The following GP6 variants were observed in gnomAD, a reference collection of about 807,000 sequenced individuals.
GP6 encodes the protein platelet glycoprotein VI.
In GP6, 45 loss-of-function variants were observed where a neutral mutation model predicts 37.3. That is an observed-to-expected ratio of 1.21 (90% CI 0.95 to 1.55). GP6 has a LOEUF of 1.55. Among genes scored for constraint, GP6 ranks in the 40% most tolerant of loss-of-function variants. GP6 has a pLI of 0.00. For synonymous variants in GP6, 340 were observed against 316.4 expected, an observed-to-expected ratio of 1.07 and a Z score of -0.79; for missense variants, 813 against 760.2, an observed-to-expected ratio of 1.07 and a Z score of -0.82.
rs573023381 is a variant in GP6, at chr19:55,027,461, C to T, written c.610+117G>A. ...TTCCTTCCCACCTACGGCCCCGCCC[C>T]TGCAGCCCAGGGCTTCCTGCCCTCC... On this transcript the variant is annotated intron_variant, in intron 4 of 7. Transcript: ENST00000310373. The T allele has an allele frequency of 1.4e-3, 1,019 of 750,128 alleles. 1 individual carries two copies. In the African/African-American group the frequency reaches 0.014, roughly 10 times the overall value. The allele number at this position is 750,128 out of a possible 1,614,324, so 46.5% of individuals were successfully genotyped here. A position where few individuals can be genotyped will look rare whatever the true frequency, so the allele number is the denominator to read the frequency against.
intron 5 of GP6, among the ~76,000 whole-genome samples, chr19:55,024,877 T>TGTTGGTTG (rs10526819): frequency 2.7e-5 from 4 of 150,586 alleles, no homozygotes; most frequent in Non-Finnish European, 5.9e-5. Context: ...TCTACAGGTT[T>TGTTGGTTG]GTTGGTTGGT....
intron 5 of GP6, among the ~76,000 whole-genome samples, chr19:55,024,300 G>GCACA (rs369345826): frequency 0.41 from 48,756 of 119,622 alleles, 9,893 homozygotes; most frequent in East Asian, 0.63. Context: ...ATGCACGCAT[G>GCACA]CACACACATA....
At chr19:55,033,942 T>C (rs927849811) in intron 1 of GP6, among the ~76,000 whole-genome samples, 3 of 152,042 alleles carry the variant, frequency 2.0e-5, no homozygotes, top group African/African-American at 2.4e-5. Flanking sequence ...TCGTTTCAAA[T>C]AGCCTGAAGG....
At chr19:55,030,699 C>T (rs1321722161) in intron 3 of GP6, among the ~76,000 whole-genome samples, 2 of 151,976 alleles carry the variant, frequency 1.3e-5, no homozygotes, top group Non-Finnish European at 2.9e-5. Flanking sequence ...AATATTTGCA[C>T]CAATCAAGAG....
chr19:55,029,341 TATATATATATATATATATATATATATA>T (rs2074446340), intron 3 of GP6, among the ~76,000 whole-genome samples: 1 of 4,102 alleles, frequency 2.4e-4, no homozygotes, highest in Non-Finnish European at 4.5e-4. Flanking sequence ...TATATATATA[TATATATATATATATATATATATATATA>T]TATATATTTT....
rs115248509 is a variant in GP6, at chr19:55,034,101, C to T, written c.35-1563G>A. On this transcript the variant is annotated intron_variant, in intron 1 of 7. Coordinates refer to ENST00000310373, the MANE Select transcript of GP6 (RefSeq NM_001083899.2). ...ACATACATGTGTATGTACATATACA[C>T]GTGTGTACATACACACGTGTATATG... is the stretch of plus-strand genomic sequence containing the variant. Among the ~76,000 whole-genome samples the T allele has an allele frequency of 6.5e-3, 982 of 150,220 alleles. 9 individuals are homozygous for T. Among genetic ancestry groups the T allele is most frequent in the African/African-American group, 0.022 (891 of 40,844 alleles).
chr19:55,031,798 C>A (rs2074567275), intron 3 of GP6, among the ~76,000 whole-genome samples: 1 of 151,956 alleles, frequency 6.6e-6, no homozygotes, highest in African/African-American at 2.4e-5. Context: ...TGTCAAGAGA[C>A]CCCATCTCTA....
At chr19:55,028,096 G>C (rs1395808722) in intron 3 of GP6, among the ~76,000 whole-genome samples, 2 of 152,232 alleles carry the variant, frequency 1.3e-5, no homozygotes, top group Non-Finnish European at 2.9e-5. Context: ...TCAGGGGCCT[G>C]GTGGCCCTGG....
intron 1 of GP6, among the ~76,000 whole-genome samples, chr19:55,035,345 T>G (rs896017514): frequency 6.6e-6 from 1 of 152,132 alleles, no homozygotes; most frequent in Non-Finnish European, 1.5e-5. Context: ...GGAGTATGTC[T>G]TGGAGATCTA....
In GP6 at chr19:55,033,039, GACTC is replaced by G. The variant is rs1313355825; in HGVS notation, c.35-505_35-502del. ...GGACTCGTTCGTGTTAGACACGGTG[GACTC>G]GTTCGTGTTGTGTTAGACACGGTGG... On this transcript the variant is annotated intron_variant, in intron 1 of 7. Coordinates refer to ENST00000310373, the MANE Select transcript of GP6 (RefSeq NM_001083899.2). 6.1e-5 allele frequency among the ~76,000 whole-genome samples: 4 copies of G among 65,822 alleles called. 2 individuals carry two copies. Among genetic ancestry groups the G allele is most frequent in the Admixed American group, 3.2e-4 (2 of 6,324 alleles). 43.2% of individuals were successfully genotyped at this position (65,822 alleles called of 152,430 possible).
chr19:55,029,368 ATATATATTTTTTTTTTTTTTTTTTTTTT>A (rs2074469453), intron 3 of GP6, among the ~76,000 whole-genome samples: 1 of 2,526 alleles, frequency 4.0e-4, no homozygotes, highest in African/African-American at 1.6e-3. Flanking sequence ...ATATATATAT[ATATATATTTTTTTTTTTTTTTTTTTTTT>A]TTTTTTTTTT....
chr19:55,032,083 T>C, intron 3 of GP6, 56 bp downstream of exon 3: 1 of 1,578,274 alleles, frequency 6.3e-7, no homozygotes, highest in Non-Finnish European at 8.7e-7. Context: ...GTCCCCCGTA[T>C]TTGTGTCCTG....
At chr19:55,037,311 C>T (rs928486579) in intron 1 of GP6, among the ~76,000 whole-genome samples, 1 of 151,178 alleles carries the variant, frequency 6.6e-6, no homozygotes, top group Non-Finnish European at 1.5e-5. Context: ...TAAATCCATA[C>T]CTAGTCCAGA....
chr19:55,032,449 C>A (rs374068596), intron 2 of GP6, 53 bp from the exon 3 acceptor site: 5 of 1,612,652 alleles, frequency 3.1e-6, no homozygotes, highest in Non-Finnish European at 4.2e-6. Context: ...GCCTGGACCC[C>A]GCTGCTCCCG....
At chr19:55,021,681 C>T (rs944826296) in intron 5 of GP6, among the ~76,000 whole-genome samples, 7 of 151,916 alleles carry the variant, frequency 4.6e-5, no homozygotes, top group Admixed American at 6.6e-5. Flanking sequence ...CCACCACGCC[C>T]GGCTAATTTT....
intron 5 of GP6, among the ~76,000 whole-genome samples, chr19:55,024,170 G>A (rs1165412031): frequency 6.6e-6 from 1 of 152,186 alleles, no homozygotes; most frequent in East Asian, 1.9e-4. Context: ...AAGAGCACAT[G>A]GGATTCTTCT....
intron 1 of GP6, among the ~76,000 whole-genome samples, chr19:55,034,239 G>C (rs1378772359): frequency 6.6e-6 from 1 of 151,854 alleles, no homozygotes; most frequent in African/African-American, 2.4e-5. Flanking sequence ...TTGAGCCCAG[G>C]AGGTCAAGTC....
intron 3 of GP6, among the ~76,000 whole-genome samples, chr19:55,030,924 C>G (rs2074538979): frequency 6.6e-6 from 1 of 152,134 alleles, no homozygotes. Context: ...TCACAGCTCC[C>G]TGCAGCCTCG....
At position 55,027,832 on chromosome 19, in the gene GP6, T is replaced by C; in HGVS notation, c.356A>G (p.Gln119Arg). ...TCCTGACGACACCGCCGGGCCGGGC[T>C]GGGCTGAGAGCGAGGGTTTGGCAAA... The change falls in exon 4 of 8, where the codon CAG (glutamine) becomes CGG (arginine). Residue 119 changes from glutamine (Q) to arginine (R), a missense_variant. By Grantham distance (43) the Gln-to-Arg change is conservative (BLOSUM62 1). Transcript: ENST00000310373. The C allele has an allele frequency of 6.2e-7, 1 of 1,614,086 alleles. No homozygotes were observed. Among genetic ancestry groups the C allele is most frequent in the Non-Finnish European group, 8.5e-7 (1 of 1,180,020 alleles).
Sources: gnomAD v4.1 joint callset for allele counts (sites outside exome capture counted in the v4.1 genomes callset) on GRCh38, gnomAD v4.1.1 for gene constraint, MANE v1.5 for transcripts, NCBI Gene and HGNC (gene_info 2026-07-23, HGNC 2026-07-21) for gene names.